Variants in PIP4K2A observed in about 807,000 individuals in gnomAD.
The protein encoded by PIP4K2A is phosphatidylinositol-5-phosphate 4-kinase type 2 alpha.
PIP4K2A carries 14 observed loss-of-function variants against 42.9 expected under a neutral mutation model. The observed-to-expected ratio is 0.33, with a 90% CI of 0.22 to 0.51. The LOEUF (loss-of-function observed/expected upper bound fraction) is 0.51. Ranked by LOEUF, PIP4K2A falls within the 20% of genes least tolerant of loss-of-function variation. PIP4K2A has a pLI of 0.97. For synonymous variants in PIP4K2A, 192 were observed against 192.2 expected, an observed-to-expected ratio of 1.00 and a Z score of 0.01; for missense variants, 434 against 519.8, an observed-to-expected ratio of 0.83 and a Z score of 1.61.
intron 1 of PIP4K2A, among the ~76,000 whole-genome samples, chr10:22,700,191 G>C (rs1704947542): frequency 6.6e-6 from 1 of 152,196 alleles, no homozygotes; most frequent in African/African-American, 2.4e-5. Context: ...TTTGCACCTA[G>C]CTGCTGATAC....
chr10:22,641,445 C>G (rs150905545), intron 1 of PIP4K2A, among the ~76,000 whole-genome samples: 76 of 150,506 alleles, frequency 5.0e-4, no homozygotes, highest in African/African-American at 1.7e-3. Flanking sequence ...ATTTTTTTTT[C>G]TTTTTCTTTT....
chr10:22,658,087 T>C (rs1053351014), intron 1 of PIP4K2A, among the ~76,000 whole-genome samples: 80 of 152,328 alleles, frequency 5.3e-4, no homozygotes, highest in African/African-American at 1.8e-3. Context: ...AATGCAAGAA[T>C]ACTTTACTCA....
At chr10:22,653,857 G>A (rs1308265172) in intron 1 of PIP4K2A, among the ~76,000 whole-genome samples, 1 of 151,894 alleles carries the variant, frequency 6.6e-6, no homozygotes, top group East Asian at 1.9e-4. Flanking sequence ...CTGGGCAACA[G>A]AGTGAGACTC....
At chr10:22,663,618 CACTG>C (rs937667375) in intron 1 of PIP4K2A, among the ~76,000 whole-genome samples, 25 of 151,998 alleles carry the variant, frequency 1.6e-4, no homozygotes, top group Admixed American at 1.2e-3. Flanking sequence ...AAATAAAAAT[CACTG>C]ACTATCATCT....
chr10:22,609,573 C>T (rs1462317034), intron 2 of PIP4K2A, 47 bp downstream of exon 2: 1 of 1,054,034 alleles, frequency 9.5e-7, no homozygotes, highest in Non-Finnish European at 1.5e-6. Context: ...AAAACTTGTA[C>T]TCCTAGCAGC....
intron 7 of PIP4K2A, among the ~76,000 whole-genome samples, chr10:22,545,401 G>C (rs945607011): frequency 1.3e-5 from 2 of 152,216 alleles, no homozygotes; most frequent in African/African-American, 4.8e-5. Context: ...AGGGCAGAGA[G>C]GGAAGGGGAC....
At chr10:22,638,964 AAC>A (rs1197559630) in intron 1 of PIP4K2A, among the ~76,000 whole-genome samples, 1 of 152,176 alleles carries the variant, frequency 6.6e-6, no homozygotes, top group African/African-American at 2.4e-5. Context: ...GTGGTTGGCT[AAC>A]AGTGCCATGA....
At chr10:22,599,047 G>A (rs1177580281) in intron 3 of PIP4K2A, among the ~76,000 whole-genome samples, 1 of 151,310 alleles carries the variant, frequency 6.6e-6, no homozygotes, top group Non-Finnish European at 1.5e-5. Flanking sequence ...TCAACTTTGG[G>A]AAAAACTGTC....
Position 22,536,211 on chromosome 10 carries a change from A to C in PIP4K2A, c.*990T>G. The C allele has an allele frequency of 2.5e-6, 1 of 397,710 alleles. No individual in the cohort carries two copies. The highest frequency in any genetic ancestry group is 3.6e-5 in the East Asian group (1 of 28,032). 24.6% of individuals were successfully genotyped at this position (397,710 alleles called of 1,614,324 possible). A position where few individuals can be genotyped will look rare whatever the true frequency, so the allele number is the denominator to read the frequency against. On this transcript the variant is annotated 3_prime_UTR_variant, in exon 10 of 10. Transcript: ENST00000376573. ...ATAATTCAGATCTGCATTTGGTAAC[A>C]GGAGAATTGAGAGTTTTGATGCTTT...
At chr10:22,577,668 C>T (rs1463630503) in intron 4 of PIP4K2A, among the ~76,000 whole-genome samples, 2 of 152,192 alleles carry the variant, frequency 1.3e-5, no homozygotes, top group Non-Finnish European at 2.9e-5. Flanking sequence ...AGTGCTTGCA[C>T]GGTGGATCCC....
chr10:22,592,400 C>G (rs1837534337), intron 3 of PIP4K2A, among the ~76,000 whole-genome samples: 1 of 152,294 alleles, frequency 6.6e-6, no homozygotes, highest in African/African-American at 2.4e-5. Context: ...TAGTAAAGTA[C>G]TTAACTTGCA....
chr10:22,567,878 C>A lies in PIP4K2A; in HGVS notation c.651G>T (p.Val217=), dbSNP rs1268980089. 6.2e-7 allele frequency: 1 copy of A among 1,613,926 alleles called. No individual in the cohort carries two copies. The change falls in exon 6 of 10, where the codon GTG becomes GTT. Residue 217 remains valine, a synonymous_variant. Transcript: ENST00000376573. ...YRKYDLKGST[V]AREASDKEKA... The stretch of plus-strand genomic sequence containing the variant: ...TTTCTTTGTCACTAGCTTCTCTAGC[C>A]ACTGTAGAGCCCTGAAACACAAGGC...
rs145816495 is a variant in PIP4K2A at position 22,666,660 on chromosome 10, GTTC to G, written c.144+47520_144+47522del. The stretch of plus-strand genomic sequence containing the variant: ...TCAGCCTGCACAAACCCCAACTGCG[GTTC>G]TTCTTAAGTTCTCCCTGCACTGTTT... On this transcript the variant is annotated intron_variant, in intron 1 of 9. Transcript: ENST00000376573. 5.7e-3 allele frequency among the ~76,000 whole-genome samples: 872 copies of G among 152,264 alleles called. 5 individuals are homozygous for G. Among genetic ancestry groups the G allele is most frequent in the African/African-American group, 0.02 (823 of 41,544 alleles).
chr10:22,697,012 A>G (rs1309566449), intron 1 of PIP4K2A, among the ~76,000 whole-genome samples: 1 of 152,184 alleles, frequency 6.6e-6, no homozygotes, highest in East Asian at 1.9e-4. Context: ...ACATCCACAT[A>G]AAGTGGAAAT....
Position 22,678,140 on chromosome 10 carries a change from TA to T in PIP4K2A, c.144+36042del, listed in dbSNP as rs200074294. Among the ~76,000 whole-genome samples the T allele has an allele frequency of 6.3e-4, 95 of 150,318 alleles. No individual in the cohort carries two copies. In the East Asian group the frequency reaches 8.3e-3, roughly 13 times the overall value. ...ATGTTCAATTTTAATTGCTGGACTTTAAAAAAAAAATCTCTATTTTGTCACA... is the reference window on the plus strand; with the variant it reads ...ATGTTCAATTTTAATTGCTGGACTTTAAAAAAAAATCTCTATTTTGTCACA... On this transcript the variant is annotated intron_variant, in intron 1 of 9. Coordinates refer to ENST00000376573, the MANE Select transcript of PIP4K2A (RefSeq NM_005028.5).
At chr10:22,697,858 G>A (rs964899150) in intron 1 of PIP4K2A, among the ~76,000 whole-genome samples, 1 of 152,122 alleles carries the variant, frequency 6.6e-6, no homozygotes, top group African/African-American at 2.4e-5. Flanking sequence ...TCCATAGGTC[G>A]AGTCTAACGT....
intron 1 of PIP4K2A, among the ~76,000 whole-genome samples, chr10:22,656,939 T>C (rs1839113450): frequency 6.6e-6 from 1 of 152,204 alleles, no homozygotes; most frequent in Non-Finnish European, 1.5e-5. Context: ...TTTATGTCAC[T>C]TTCAAAACTG....
chr10:22,677,594 C>G (rs1180949788), intron 1 of PIP4K2A, among the ~76,000 whole-genome samples: 1 of 152,200 alleles, frequency 6.6e-6, no homozygotes, highest in Non-Finnish European at 1.5e-5. Context: ...AATGTGGAAA[C>G]TGAGTGATGG....
chr10:22,640,342 A>T (rs535591308), intron 1 of PIP4K2A, among the ~76,000 whole-genome samples: 3 of 152,278 alleles, frequency 2.0e-5, no homozygotes, highest in East Asian at 1.9e-4. Context: ...ACCAAAAGAA[A>T]CCTTAGCAAC....
Sources: allele counts gnomAD v4.1 joint callset (sites outside exome capture counted in the v4.1 genomes callset), GRCh38; gene constraint gnomAD v4.1.1; transcripts MANE v1.5; gene names NCBI Gene and HGNC (gene_info 2026-07-23, HGNC 2026-07-21).